The following CERS6 variants were observed in gnomAD, a reference collection of about 807,000 sequenced individuals.
CERS6 encodes LAG1 homolog, ceramide synthase 6.
In CERS6, 26 loss-of-function variants were observed where a neutral mutation model predicts 56.8. The ratio of observed to expected loss-of-function variants is 0.46; its 90% CI spans 0.34 to 0.63. CERS6 has a LOEUF of 0.63. CERS6 is among the 30% of genes least tolerant of loss of function. The pLI is 0.01. For synonymous variants in CERS6, 164 were observed against 173.3 expected, an observed-to-expected ratio of 0.95 and a Z score of 0.42; for missense variants, 415 against 467.5, an observed-to-expected ratio of 0.89 and a Z score of 1.04.
chr2:168,774,550 A>G lies in CERS6; in HGVS notation c.*4888A>G, dbSNP rs912818380. The G allele has an allele frequency of 6.6e-6, 1 of 152,162 alleles. No individual in the cohort carries two copies. Among genetic ancestry groups the G allele is most frequent in the Non-Finnish European group, 1.5e-5 (1 of 68,038 alleles). 9.4% of individuals were successfully genotyped at this position (152,162 alleles called of 1,614,324 possible). Reference sequence around the variant, plus strand: ...AGATGGTTTCTGTGTTCAGTGAAAAATTCTATTTCATTGAGACAATTTTTT... The same window carrying G: ...AGATGGTTTCTGTGTTCAGTGAAAAGTTCTATTTCATTGAGACAATTTTTT... On this transcript the variant is annotated 3_prime_UTR_variant, in exon 10 of 10. Transcript: ENST00000305747.
At chr2:168,721,950 A>G (rs1236826022) in intron 8 of CERS6, among the ~76,000 whole-genome samples, 1 of 152,130 alleles carries the variant, frequency 6.6e-6, no homozygotes, top group African/African-American at 2.4e-5. Flanking sequence ...TTGCAGCACT[A>G]TTTTACATCT....
intron 3 of CERS6, among the ~76,000 whole-genome samples, chr2:168,608,827 T>C (rs1684115938): frequency 6.6e-6 from 1 of 152,238 alleles, no homozygotes; most frequent in African/African-American, 2.4e-5. Flanking sequence ...TTATGGTATC[T>C]TTTGAAGGGC....
At position 168,694,956 on chromosome 2, in the gene CERS6, C is replaced by T. The variant is rs1686605708; in HGVS notation, c.517-3C>T. 1 of 1,611,162 alleles carries T rather than the reference C, an allele frequency of 6.2e-7. No homozygotes were observed. The highest frequency in any genetic ancestry group is 8.5e-7 in the Non-Finnish European group (1 of 1,178,026). ...TCATTCCTTTTTTTTCTTTCACCTT[C>T]AGCCACTCACAACTGACCTTCACTA... On this transcript the variant is annotated splice_region_variant and splice_polypyrimidine_tract_variant and intron_variant, in intron 5 of 9. Transcript: ENST00000305747.
intron 3 of CERS6, among the ~76,000 whole-genome samples, chr2:168,574,370 TTGTGTGTGTGTGTGTGTG>T (rs59913751): frequency 0.053 from 7,891 of 148,750 alleles, 398 homozygotes; most frequent in African/African-American, 0.13. Context: ...TCAATAAGTT[TTGTGTGTGTGTGTGTGTG>T]TGTGTGTGTG....
chr2:168,528,192 A>C (rs755595560), intron 1 of CERS6, among the ~76,000 whole-genome samples: 1 of 152,186 alleles, frequency 6.6e-6, no homozygotes, highest in Non-Finnish European at 1.5e-5. Context: ...ATTTACTATT[A>C]TAGTATTACA....
chr2:168,602,403 A>G (rs140255901), intron 3 of CERS6, among the ~76,000 whole-genome samples: 2 of 152,346 alleles, frequency 1.3e-5, no homozygotes, highest in Admixed American at 6.5e-5. Context: ...ATGTTGGCCC[A>G]TTGATAGAAG....
At chr2:168,476,352 ACTCT>A (rs1302343023) in intron 1 of CERS6, among the ~76,000 whole-genome samples, 2 of 151,692 alleles carry the variant, frequency 1.3e-5, no homozygotes, top group Admixed American at 1.3e-4. Flanking sequence ...GAAAGATAAA[ACTCT>A]CTCCTCAGAG....
intron 6 of CERS6, among the ~76,000 whole-genome samples, chr2:168,713,318 G>T (rs1395181989): frequency 1.3e-5 from 2 of 152,162 alleles, no homozygotes; most frequent in Non-Finnish European, 2.9e-5. Flanking sequence ...CCCCTAGAGA[G>T]AGAGAGATTC....
chr2:168,728,786 A>G (rs1469993469), intron 8 of CERS6, among the ~76,000 whole-genome samples: 2 of 151,024 alleles, frequency 1.3e-5, no homozygotes, highest in Non-Finnish European at 2.9e-5. Context: ...AGGGCAGACT[A>G]CCTGAGGTCA....
At chr2:168,501,116 G>T (rs1207742832) in intron 1 of CERS6, among the ~76,000 whole-genome samples, 1 of 152,208 alleles carries the variant, frequency 6.6e-6, no homozygotes, top group East Asian at 1.9e-4. Flanking sequence ...CGCCTGGCCA[G>T]AGTCTTATGA....
intron 7 of CERS6, among the ~76,000 whole-genome samples, chr2:168,715,943 C>T (rs1687216972): frequency 1.3e-5 from 2 of 151,822 alleles, no homozygotes; most frequent in Admixed American, 6.6e-5. Context: ...TTCCTTTAGG[C>T]CCACCGTTTT....
At chr2:168,498,204 T>C (rs150170080) in intron 1 of CERS6, among the ~76,000 whole-genome samples, 1,989 of 152,304 alleles carry the variant, frequency 0.013, 13 homozygotes, top group Middle Eastern at 0.054. Context: ...ATAACCTCTT[T>C]GTCGAATTTA....
chr2:168,462,037 T>C (rs1198176810), intron 1 of CERS6, among the ~76,000 whole-genome samples: 1 of 152,244 alleles, frequency 6.6e-6, no homozygotes, highest in Non-Finnish European at 1.5e-5. Context: ...ACTAACTTGA[T>C]TAAACCTTGT....
At chr2:168,554,808 CA>C in intron 2 of CERS6, among the ~76,000 whole-genome samples, 1 of 152,168 alleles carries the variant, frequency 6.6e-6, no homozygotes, top group African/African-American at 2.4e-5. Context: ...GTATAAATAA[CA>C]AAGTAGGATT....
intron 8 of CERS6, among the ~76,000 whole-genome samples, chr2:168,764,956 G>C (rs549818952): frequency 6.6e-6 from 1 of 152,168 alleles, no homozygotes; most frequent in Non-Finnish European, 1.5e-5. Flanking sequence ...TGGCCAAAAG[G>C]TAGAAGCAAC....
chr2:168,725,798 C>T (rs1354619642), intron 8 of CERS6, among the ~76,000 whole-genome samples: 1 of 152,186 alleles, frequency 6.6e-6, no homozygotes, highest in Non-Finnish European at 1.5e-5. Context: ...AATATTTTCT[C>T]TTGTATTTAA....
intron 4 of CERS6, among the ~76,000 whole-genome samples, chr2:168,659,859 G>T (rs536900737): frequency 1.9e-4 from 29 of 152,216 alleles, no homozygotes; most frequent in African/African-American, 6.7e-4. Context: ...CATAGATGAA[G>T]AAATTAATGC....
chr2:168,532,126 A>G (rs540964868), intron 1 of CERS6, among the ~76,000 whole-genome samples: 92 of 152,186 alleles, frequency 6.0e-4, no homozygotes, highest in Non-Finnish European at 9.3e-4. Flanking sequence ...ATATGATGCT[A>G]CTAGAGAACA....
At chr2:168,567,630 C>T in intron 3 of CERS6, among the ~76,000 whole-genome samples, 1 of 152,248 alleles carries the variant, frequency 6.6e-6, no homozygotes, top group Non-Finnish European at 1.5e-5. Context: ...GCCCTCTAGC[C>T]ATAGTTTGCA....
Sources: gnomAD v4.1 joint callset for allele counts (sites outside exome capture counted in the v4.1 genomes callset) on GRCh38, gnomAD v4.1.1 for gene constraint, MANE v1.5 for transcripts, NCBI Gene and HGNC (gene_info 2026-07-23, HGNC 2026-07-21) for gene names.